HEMK2: variants seen among roughly 807,000 people sequenced by gnomAD.
The protein encoded by HEMK2 is methyltransferase HEMK2.
the HEMK2 span, among the ~76,000 whole-genome samples, chr21:28,620,674 T>C: frequency 2.7e-5 from 3 of 109,832 alleles, no homozygotes; most frequent in East Asian, 2.6e-4. Flanking sequence ...TTTTTTTTTT[T>C]TTTTTTTTTT....
At chr21:28,845,593 TTCAG>T in the HEMK2 span, among the ~76,000 whole-genome samples, 3 of 152,122 alleles carry the variant, frequency 2.0e-5, no homozygotes, top group East Asian at 5.8e-4. Flanking sequence ...CTTATTTTCT[TTCAG>T]TAAGATTTTC....
the HEMK2 span, among the ~76,000 whole-genome samples, chr21:28,742,216 G>C: frequency 6.6e-6 from 1 of 152,182 alleles, no homozygotes; most frequent in Non-Finnish European, 1.5e-5. Context: ...TATCTGGATG[G>C]ATCTGTACAG....
the HEMK2 span, among the ~76,000 whole-genome samples, chr21:28,828,168 G>GT: frequency 0.23 from 35,572 of 151,930 alleles, 5,861 homozygotes; most frequent in African/African-American, 0.46. Context: ...TGATATAAGC[G>GT]TAAGACCCAC....
the HEMK2 span, among the ~76,000 whole-genome samples, chr21:28,643,951 A>C: frequency 6.6e-6 from 1 of 152,160 alleles, no homozygotes. Flanking sequence ...CAGTGATAGG[A>C]GCATGAAGAA....
At chr21:28,631,498 T>C in the HEMK2 span, among the ~76,000 whole-genome samples, 1 of 152,284 alleles carries the variant, frequency 6.6e-6, no homozygotes, top group Admixed American at 6.5e-5. Flanking sequence ...TCTGGAAATA[T>C]GTGTAGTAGA....
At chr21:28,843,402 C>A in the HEMK2 span, among the ~76,000 whole-genome samples, 1 of 152,086 alleles carries the variant, frequency 6.6e-6, no homozygotes, top group African/African-American at 2.4e-5. Context: ...CAATTACCTC[C>A]CACGAGGTCC....
At chr21:28,618,581 C>A in the HEMK2 span, among the ~76,000 whole-genome samples, 1 of 152,156 alleles carries the variant, frequency 6.6e-6, no homozygotes, top group Non-Finnish European at 1.5e-5. Flanking sequence ...CCTCATTTAA[C>A]TGTATATTTT....
chr21:28,846,451 C>A, the HEMK2 span, among the ~76,000 whole-genome samples: 1 of 152,112 alleles, frequency 6.6e-6, no homozygotes. Flanking sequence ...GTAACCTTGC[C>A]AGCATCTATT....
At chr21:28,838,211 T>C in the HEMK2 span, among the ~76,000 whole-genome samples, 10 of 152,062 alleles carry the variant, frequency 6.6e-5, no homozygotes, top group African/African-American at 2.2e-4. Context: ...ATTACCCTAA[T>C]GCCAAAACCA....
the HEMK2 span, among the ~76,000 whole-genome samples, chr21:28,596,790 A>G: frequency 1.3e-5 from 2 of 152,202 alleles, no homozygotes; most frequent in African/African-American, 4.8e-5. Context: ...TCAAGAAATC[A>G]TTATATATTA....
chr21:28,703,816 T>C, the HEMK2 span, among the ~76,000 whole-genome samples: 4 of 152,232 alleles, frequency 2.6e-5, no homozygotes, highest in Non-Finnish European at 5.9e-5. Context: ...GATGCTCTGA[T>C]TCAGAGTTAC....
the HEMK2 span, among the ~76,000 whole-genome samples, chr21:28,728,886 C>T: frequency 6.6e-6 from 1 of 152,214 alleles, no homozygotes; most frequent in African/African-American, 2.4e-5. Context: ...TCTTTCCCTA[C>T]AGAAGGGATC....
chr21:28,877,005 G>A, the HEMK2 span, among the ~76,000 whole-genome samples: 1,776 of 34,542 alleles, frequency 0.051, 98 homozygotes, highest in Middle Eastern at 0.094. Context: ...GGGAGGGAGG[G>A]AGGAAGGAAG....
chr21:28,606,650 T>C, the HEMK2 span, among the ~76,000 whole-genome samples: 4 of 152,330 alleles, frequency 2.6e-5, no homozygotes, highest in East Asian at 5.8e-4. Flanking sequence ...AACAGTTTCA[T>C]TTATTTATTC....
chr21:28,646,554 CA>C, the HEMK2 span, among the ~76,000 whole-genome samples: 24 of 152,264 alleles, frequency 1.6e-4, no homozygotes, highest in African/African-American at 5.5e-4. Context: ...CAAAGTGGCT[CA>C]AAATAACAAT....
At chr21:28,647,915 C>T in the HEMK2 span, among the ~76,000 whole-genome samples, 1 of 152,214 alleles carries the variant, frequency 6.6e-6, no homozygotes, top group Admixed American at 6.5e-5. Context: ...CTCTTCTCTA[C>T]CATGTTCCTT....
At chr21:28,659,319 T>C in the HEMK2 span, among the ~76,000 whole-genome samples, 1 of 152,114 alleles carries the variant, frequency 6.6e-6, no homozygotes, top group Non-Finnish European at 1.5e-5. Context: ...TACCTTCTAA[T>C]TAACCTGTTA....
chr21:28,621,842 G>T, the HEMK2 span, among the ~76,000 whole-genome samples: 1 of 152,204 alleles, frequency 6.6e-6, no homozygotes, highest in East Asian at 1.9e-4. Context: ...AGGCCATCTG[G>T]ATGTATATGT....
the HEMK2 span, among the ~76,000 whole-genome samples, chr21:28,715,992 T>C: frequency 6.6e-6 from 1 of 152,206 alleles, no homozygotes; most frequent in South Asian, 2.1e-4. Flanking sequence ...TCTGTTCTAT[T>C]GATCTATGTA....
Sources: gnomAD v4.1 joint callset for allele counts (sites outside exome capture counted in the v4.1 genomes callset) on GRCh38, gnomAD v4.1.1 for gene constraint, MANE v1.5 for transcripts, NCBI Gene and HGNC (gene_info 2026-07-23, HGNC 2026-07-21) for gene names.